HDAC9: variants seen among roughly 807,000 people sequenced by gnomAD.
HDAC9 encodes histone deacetylase 9, also known as MEF-2 interacting transcription repressor (MITR) protein.
In HDAC9, 41 loss-of-function variants were observed where a neutral mutation model predicts 139.4. The observed-to-expected ratio is 0.29, with a 90% CI of 0.23 to 0.38. HDAC9 has a LOEUF of 0.38. Ranked by LOEUF, HDAC9 falls within the 10% of genes least tolerant of loss-of-function variation. The pLI is 1.00. For synonymous variants in HDAC9, 517 were observed against 476.2 expected, an observed-to-expected ratio of 1.09 and a Z score of -1.12; for missense variants, 1,147 against 1,297.0, an observed-to-expected ratio of 0.88 and a Z score of 1.78.
intron 1 of HDAC9, among the ~76,000 whole-genome samples, chr7:18,340,321 C>A (rs908934195): frequency 2.0e-5 from 3 of 151,538 alleles, no homozygotes; most frequent in African/African-American, 7.3e-5. Context: ...ATCTGGTAAT[C>A]TCCACCTTTA....
At chr7:18,786,425 T>C (rs2129174255) in intron 16 of HDAC9, among the ~76,000 whole-genome samples, 1 of 148,534 alleles carries the variant, frequency 6.7e-6, no homozygotes, top group Non-Finnish European at 1.5e-5. Context: ...CATGTGCTTC[T>C]GAATGCAAGA....
intron 2 of HDAC9, among the ~76,000 whole-genome samples, chr7:18,581,205 A>G (rs1422072575): frequency 2.0e-5 from 3 of 152,094 alleles, no homozygotes; most frequent in Admixed American, 2.0e-4. Context: ...TCTTGTATAA[A>G]CGCTGCTATA....
intron 2 of HDAC9, among the ~76,000 whole-genome samples, chr7:18,557,121 T>G (rs1319537968): frequency 6.6e-6 from 1 of 152,068 alleles, no homozygotes; most frequent in Non-Finnish European, 1.5e-5. Context: ...GAGACAAGGT[T>G]CTGTGCTCAG....
At chr7:18,146,250 T>C (rs572661900) in intron 1 of HDAC9, among the ~76,000 whole-genome samples, 16 of 152,320 alleles carry the variant, frequency 1.1e-4, no homozygotes, top group African/African-American at 3.8e-4. Context: ...GGTAATAGTT[T>C]TTAGTCTATT....
chr7:18,450,113 G>T (rs1420349802), intron 1 of HDAC9, among the ~76,000 whole-genome samples: 1 of 152,190 alleles, frequency 6.6e-6, no homozygotes, highest in Non-Finnish European at 1.5e-5. Context: ...CTCAGACTAA[G>T]ATATCAATGC....
At chr7:18,729,656 T>C (rs1243167432) in intron 13 of HDAC9, among the ~76,000 whole-genome samples, 1 of 148,144 alleles carries the variant, frequency 6.8e-6, no homozygotes, top group African/African-American at 2.6e-5. Context: ...AAACAAAGAC[T>C]AGGTCATTTC....
intron 1 of HDAC9, among the ~76,000 whole-genome samples, chr7:18,360,553 G>C (rs999780284): frequency 5.9e-5 from 9 of 152,112 alleles, no homozygotes; most frequent in African/African-American, 2.2e-4. Flanking sequence ...CGTTTCAAGT[G>C]CTTTTCCTCT....
At chr7:18,945,325 T>A (rs1782299588) in intron 23 of HDAC9, among the ~76,000 whole-genome samples, 1 of 152,238 alleles carries the variant, frequency 6.6e-6, no homozygotes, top group South Asian at 2.1e-4. Context: ...GTACATACTG[T>A]TTTTGAAGTA....
At position 18,719,030 on chromosome 7, in the gene HDAC9, G is replaced by A. The variant is rs140254683; in HGVS notation, c.1732-8550G>A. The stretch of plus-strand genomic sequence containing the variant: ...AAATCCCTGATAGCTAATGAAGTGA[G>A]CATCTATTCACAAGCCTATCTTTTT... On this transcript the variant is annotated intron_variant, in intron 12 of 25. Coordinates refer to ENST00000686413, the MANE Select transcript of HDAC9 (RefSeq NM_178425.4). Among the ~76,000 whole-genome samples the A allele has an allele frequency of 7.6e-4, 116 of 152,246 alleles. 1 individual carries two copies. Among genetic ancestry groups the A allele is most frequent in the African/African-American group, 2.7e-3 (111 of 41,534 alleles).
At chr7:18,385,660 T>A (rs776555511) in intron 1 of HDAC9, among the ~76,000 whole-genome samples, 10 of 152,202 alleles carry the variant, frequency 6.6e-5, no homozygotes, top group Non-Finnish European at 1.3e-4. Flanking sequence ...TCTGGAACTA[T>A]TCGCTAATAG....
intron 1 of HDAC9, among the ~76,000 whole-genome samples, chr7:18,338,466 A>G (rs535641123): frequency 1.3e-5 from 2 of 151,790 alleles, no homozygotes; most frequent in East Asian, 1.9e-4. Flanking sequence ...TACTGAGTGA[A>G]TATCACTTAC....
chr7:18,803,659 T>C (rs1415696790), intron 17 of HDAC9, among the ~76,000 whole-genome samples: 1 of 152,204 alleles, frequency 6.6e-6, no homozygotes, highest in African/African-American at 2.4e-5. Flanking sequence ...CTGATGATCA[T>C]TTCTTGTAGA....
chr7:18,523,740 G>C (rs540642737), intron 2 of HDAC9, among the ~76,000 whole-genome samples: 1 of 152,136 alleles, frequency 6.6e-6, no homozygotes, highest in Non-Finnish European at 1.5e-5. Context: ...TGGTTCATGA[G>C]TTGGGAGAGA....
chr7:18,480,346 C>T (rs1275010633), intron 1 of HDAC9, among the ~76,000 whole-genome samples: 1 of 152,146 alleles, frequency 6.6e-6, no homozygotes, highest in Non-Finnish European at 1.5e-5. Flanking sequence ...CTCCTAGCAC[C>T]ACCCTGCCTC....
At chr7:18,556,807 G>A (rs1352764084) in intron 2 of HDAC9, among the ~76,000 whole-genome samples, 2 of 151,882 alleles carry the variant, frequency 1.3e-5, no homozygotes, top group Admixed American at 6.6e-5. Flanking sequence ...AAAACTAAAT[G>A]GATTCTCTAT....
intron 1 of HDAC9, among the ~76,000 whole-genome samples, chr7:18,394,515 C>T (rs913384595): frequency 3.1e-4 from 47 of 152,068 alleles, no homozygotes; most frequent in Non-Finnish European, 1.2e-4. Flanking sequence ...TTAAAAAGTA[C>T]ACATATTGGG....
chr7:18,158,025 A>G (rs1321463512), intron 1 of HDAC9, among the ~76,000 whole-genome samples: 1 of 152,172 alleles, frequency 6.6e-6, no homozygotes, highest in African/African-American at 2.4e-5. Flanking sequence ...ATAAGTGTGA[A>G]TGGCTGTGTA....
chr7:18,877,920 A>T (rs562996065), intron 22 of HDAC9, among the ~76,000 whole-genome samples: 12 of 152,258 alleles, frequency 7.9e-5, no homozygotes, highest in African/African-American at 2.6e-4. Context: ...CAACAATCTG[A>T]ATTACTTACT....
At chr7:18,547,779 C>A (rs1309384390) in intron 2 of HDAC9, among the ~76,000 whole-genome samples, 1 of 150,298 alleles carries the variant, frequency 6.7e-6, no homozygotes, top group Non-Finnish European at 1.5e-5. Context: ...AGCATCTTCA[C>A]CAGGAGTAGA....
Sources: gnomAD v4.1 joint callset for allele counts (sites outside exome capture counted in the v4.1 genomes callset) on GRCh38, gnomAD v4.1.1 for gene constraint, MANE v1.5 for transcripts, NCBI Gene and HGNC (gene_info 2026-07-23, HGNC 2026-07-21) for gene names.